SNX29: variants seen among roughly 807,000 people sequenced by gnomAD.
The protein encoded by SNX29 is sorting nexin-29.
In SNX29, 78 loss-of-function variants were observed where a neutral mutation model predicts 102.1. The observed-to-expected ratio is 0.76, with a 90% CI of 0.64 to 0.92. The LOEUF is 0.92. Ranked by LOEUF, SNX29 falls within the 40% of genes least tolerant of loss-of-function variation. SNX29 has a pLI of 0.00. For synonymous variants in SNX29, 580 were observed against 414.5 expected (o/e 1.40, Z -4.85); for missense variants, 1,280 against 1,061.7 (o/e 1.21, Z -2.86).
rs756591672 is a variant in SNX29, at chr16:12,568,550, C to G, written c.2363C>G (p.Ala788Gly). ...GAGCCTGTGAACAGCCGGCCCAAAGCAGCTTCCCGCTTCCCCAAACTGTCC... is the reference window on the plus strand; with the variant it reads ...GAGCCTGTGAACAGCCGGCCCAAAGGAGCTTCCCGCTTCCCCAAACTGTCC... ...PGEPVNSRPK[A>G]ASRFPKLSRG... is the part of the protein sequence containing the mutation. The change falls in exon 21 of 21, where the codon GCA (alanine) becomes GGA (glycine). Residue 788 changes from alanine (A) to glycine (G), a missense_variant. Transcript: ENST00000566228. The G allele has an allele frequency of 1.9e-6, 3 of 1,609,550 alleles. No homozygotes were observed. The highest frequency in any genetic ancestry group is 2.5e-6 in the Non-Finnish European group (3 of 1,179,858).
chr16:12,414,185 C>T (rs544148023), intron 18 of SNX29, among the ~76,000 whole-genome samples: 1 of 152,180 alleles, frequency 6.6e-6, no homozygotes, highest in South Asian at 2.1e-4. Flanking sequence ...ATGCAGAACC[C>T]ACTGATACGG....
chr16:12,069,068 G>C lies in SNX29; in HGVS notation c.1255G>C (p.Gly419Arg). 1 of 1,613,804 alleles carries C rather than the reference G, an allele frequency of 6.2e-7. No individual in the cohort carries two copies. Residue 419 changes from glycine to arginine, a missense_variant, in exon 10 of 21, where the codon GGA becomes CGA. Transcript: ENST00000566228. ...CTCTCTCTGCACAGATGCCCCCCTC[G>C]GAAGCCTGGAGAACGGGACAGGACC... is the stretch of plus-strand genomic sequence containing the variant. Reference protein sequence around the residue: ...GSYSPADAPLGSLENGTGPED... With the variant: ...GSYSPADAPLRSLENGTGPED...
intron 20 of SNX29, among the ~76,000 whole-genome samples, chr16:12,563,343 T>G (rs2078838981): frequency 6.6e-6 from 1 of 152,216 alleles, no homozygotes. Context: ...GGAGTGGCCA[T>G]TATCCTGAGC....
In SNX29 at chr16:12,562,562, C is replaced by T. The variant is rs375083606; in HGVS notation, c.2319-5944C>T. 2.4e-4 allele frequency among the ~76,000 whole-genome samples: 37 copies of T among 152,284 alleles called. No homozygotes were observed. The South Asian group carries it at 3.1e-3, about 13-fold the overall frequency. ...CAGGAGTCATCTAAGACACTGTCCCCGTGGTCCCTAGTTTTTACCCAGAGA... is the reference window on the plus strand; with the variant it reads ...CAGGAGTCATCTAAGACACTGTCCCTGTGGTCCCTAGTTTTTACCCAGAGA... On this transcript the variant is annotated intron_variant, in intron 20 of 20. Coordinates refer to ENST00000566228, the MANE Select transcript of SNX29 (RefSeq NM_032167.5).
At chr16:12,160,891 C>G (rs1343158978) in intron 13 of SNX29, among the ~76,000 whole-genome samples, 2 of 152,198 alleles carry the variant, frequency 1.3e-5, no homozygotes, top group African/African-American at 2.4e-5. Flanking sequence ...TCTTTTGGGT[C>G]TGAAATATTG....
chr16:12,145,536 A>C (rs1488671836), intron 13 of SNX29, among the ~76,000 whole-genome samples: 1 of 152,222 alleles, frequency 6.6e-6, no homozygotes, highest in Non-Finnish European at 1.5e-5. Flanking sequence ...TGCAAGTTAG[A>C]ATTCTTAAGT....
chr16:12,414,296 C>T lies in SNX29; in HGVS notation c.2037+10767C>T, dbSNP rs116661086. On this transcript the variant is annotated intron_variant, in intron 18 of 20. Coordinates refer to ENST00000566228, the MANE Select transcript of SNX29 (RefSeq NM_032167.5). ...GACTGAGGTAAGAGAATTGCTTGAG[C>T]CCAGGAGATCGAGGCTGCAGTGAGC... Among the ~76,000 whole-genome samples the T allele has an allele frequency of 1.6e-3, 249 of 152,254 alleles. 2 individuals are homozygous for T. Among genetic ancestry groups the T allele is most frequent in the African/African-American group, 5.8e-3 (241 of 41,544 alleles).
intron 20 of SNX29, among the ~76,000 whole-genome samples, chr16:12,554,016 C>A (rs2856786): frequency 2.6e-5 from 4 of 151,872 alleles, no homozygotes; most frequent in African/African-American, 9.7e-5. Context: ...GTAGAGACAG[C>A]GTTTTAACCA....
intron 18 of SNX29, among the ~76,000 whole-genome samples, chr16:12,404,321 A>G (rs1237597425): frequency 6.6e-6 from 1 of 152,120 alleles, no homozygotes; most frequent in Non-Finnish European, 1.5e-5. Context: ...TTACCCAATC[A>G]AGGGGACTCC....
chr16:12,419,648 G>A (rs2084792459), intron 18 of SNX29, among the ~76,000 whole-genome samples: 1 of 152,050 alleles, frequency 6.6e-6, no homozygotes, highest in Admixed American at 6.5e-5. Context: ...GTGGTGGGTT[G>A]CAGCTCCAGG....
chr16:12,119,443 AG>A (rs1362508098), intron 11 of SNX29, among the ~76,000 whole-genome samples: 1 of 152,246 alleles, frequency 6.6e-6, no homozygotes, highest in Non-Finnish European at 1.5e-5. Context: ...AGATTTTGCA[AG>A]GGGTTTTTCT....
chr16:12,487,514 C>T (rs936703949), intron 19 of SNX29, among the ~76,000 whole-genome samples: 2 of 152,254 alleles, frequency 1.3e-5, no homozygotes, highest in South Asian at 4.1e-4. Context: ...TTGTAAGTGC[C>T]GGAGCCAGGA....
chr16:12,340,160 A>C (rs1285946860), intron 15 of SNX29, among the ~76,000 whole-genome samples: 1 of 152,190 alleles, frequency 6.6e-6, no homozygotes, highest in Non-Finnish European at 1.5e-5. Context: ...CTTTGTTTTC[A>C]TCATCGTCAT....
At chr16:12,503,181 C>T (rs1160195219) in intron 19 of SNX29, among the ~76,000 whole-genome samples, 1 of 152,166 alleles carries the variant, frequency 6.6e-6, no homozygotes, top group African/African-American at 2.4e-5. Context: ...CCCACCACTG[C>T]TGCTCTGAGC....
intron 3 of SNX29, among the ~76,000 whole-genome samples, chr16:12,003,356 G>A (rs1225072380): frequency 6.6e-6 from 1 of 152,126 alleles, no homozygotes; most frequent in Non-Finnish European, 1.5e-5. Flanking sequence ...TGAGAACTTG[G>A]ATGCCTAAAT....
chr16:12,173,789 C>T (rs2076201826), intron 13 of SNX29, among the ~76,000 whole-genome samples: 1 of 152,230 alleles, frequency 6.6e-6, no homozygotes, highest in East Asian at 1.9e-4. Context: ...CCCTCTGCTT[C>T]TTATTTATTT....
intron 19 of SNX29, among the ~76,000 whole-genome samples, chr16:12,507,125 C>T (rs2089414174): frequency 6.6e-6 from 1 of 152,154 alleles, no homozygotes; most frequent in South Asian, 2.1e-4. Context: ...TGTTATCATC[C>T]CTCTTTCAGA....
intron 20 of SNX29, among the ~76,000 whole-genome samples, chr16:12,552,585 A>G (rs917663060): frequency 1.2e-4 from 18 of 151,122 alleles, no homozygotes; most frequent in Non-Finnish European, 2.5e-4. Flanking sequence ...GCCCTCATGG[A>G]GTTTATATTC....
chr16:12,321,444 G>T (rs2151175910), intron 15 of SNX29, among the ~76,000 whole-genome samples: 1 of 152,326 alleles, frequency 6.6e-6, no homozygotes, highest in South Asian at 2.1e-4. Context: ...GGCCAGGCCT[G>T]GGAGTGAGGA....
Sources: gnomAD v4.1 joint callset for allele counts (sites outside exome capture counted in the v4.1 genomes callset) on GRCh38, gnomAD v4.1.1 for gene constraint, MANE v1.5 for transcripts, NCBI Gene and HGNC (gene_info 2026-07-23, HGNC 2026-07-21) for gene names.